Variants in OR7C1 observed in about 807,000 individuals in gnomAD.
OR7C1 encodes olfactory receptor 7C1.
For missense variants in OR7C1, 324 were observed against 383.3 expected, an observed-to-expected ratio of 0.85 and a Z score of 1.29; for synonymous variants, 152 against 160.7, an observed-to-expected ratio of 0.95 and a Z score of 0.41.
intron 1 of OR7C1, chr19:14,828,023 AAC>A (rs374740501): frequency 1.1e-5 from 17 of 1,614,208 alleles, no homozygotes; most frequent in Middle Eastern, 3.3e-4. Flanking sequence ...TGGTGGAAGT[AAC>A]ACAAATGTCA....
intron 1 of OR7C1, among the ~76,000 whole-genome samples, chr19:14,818,067 TTTA>T (rs1333505478): frequency 4.9e-4 from 46 of 93,356 alleles, no homozygotes; most frequent in East Asian, 4.6e-3. Flanking sequence ...ATTTATTTTA[TTTA>T]TTTATTTATT....
chr19:14,804,605 G>A (rs1252483179), intron 2 of OR7C1, among the ~76,000 whole-genome samples: 6 of 151,948 alleles, frequency 3.9e-5, no homozygotes, highest in Non-Finnish European at 7.4e-5. Context: ...TCAATGCCTG[G>A]GCTTCTTCGT....
At chr19:14,801,788 C>T (rs551984476) in intron 2 of OR7C1, among the ~76,000 whole-genome samples, 1 of 152,160 alleles carries the variant, frequency 6.6e-6, no homozygotes. Flanking sequence ...TTTCACATGG[C>T]AGCAGAGAGA....
chr19:14,802,672 G>A (rs1010813796), intron 2 of OR7C1, among the ~76,000 whole-genome samples: 2 of 152,224 alleles, frequency 1.3e-5, no homozygotes, highest in Non-Finnish European at 2.9e-5. Flanking sequence ...CTGGGGAAAA[G>A]CATATGAGTA....
chr19:14,831,048 C>A (rs2044827405), intron 1 of OR7C1, among the ~76,000 whole-genome samples: 1 of 152,202 alleles, frequency 6.6e-6, no homozygotes, highest in South Asian at 2.1e-4. Flanking sequence ...CTGCCCATTG[C>A]ACCCTTGCAA....
intron 1 of OR7C1, among the ~76,000 whole-genome samples, chr19:14,834,852 A>G (rs988041531): frequency 3.3e-5 from 5 of 152,320 alleles, no homozygotes; most frequent in African/African-American, 1.2e-4. Flanking sequence ...CTAAATGTCA[A>G]TAGTCGTCAC....
chr19:14,799,056 C>G (rs1226696749), exon 5 of OR7C1: 1 of 1,303,250 alleles, frequency 7.7e-7, no homozygotes, highest in African/African-American at 1.5e-5. Context: ...TTCTTTCTAG[C>G]TCCTGTATCA....
chr19:14,829,486 A>C (rs1275667916), intron 1 of OR7C1, among the ~76,000 whole-genome samples: 1 of 152,196 alleles, frequency 6.6e-6, no homozygotes, highest in Non-Finnish European at 1.5e-5. Flanking sequence ...TATAGGCATG[A>C]GCCACTGCAC....
exon 5 of OR7C1, chr19:14,799,453 A>C (rs1246403121): frequency 6.2e-7 from 1 of 1,614,124 alleles, no homozygotes; most frequent in African/African-American, 1.3e-5. Flanking sequence ...CAGCTGAGGA[A>C]ATCCTCAGTA....
At chr19:14,803,011 C>T (rs996175063) in intron 2 of OR7C1, among the ~76,000 whole-genome samples, 6 of 151,876 alleles carry the variant, frequency 4.0e-5, no homozygotes, top group Non-Finnish European at 7.4e-5. Context: ...AAATAGGGCC[C>T]AAAGATTGGT....
At chr19:14,814,178 A>C (rs1446545030) in intron 1 of OR7C1, among the ~76,000 whole-genome samples, 1 of 152,174 alleles carries the variant, frequency 6.6e-6, no homozygotes, top group Non-Finnish European at 1.5e-5. Flanking sequence ...ATGTAAAATG[A>C]GATTACATCA....
intron 1 of OR7C1, among the ~76,000 whole-genome samples, chr19:14,811,529 C>T (rs777447610): frequency 1.3e-5 from 2 of 151,896 alleles, no homozygotes; most frequent in African/African-American, 4.9e-5. Flanking sequence ...GACTCTTCAT[C>T]CAAATAAGGC....
chr19:14,812,477 G>C (rs2147651953), intron 1 of OR7C1, among the ~76,000 whole-genome samples: 1 of 152,226 alleles, frequency 6.6e-6, no homozygotes, highest in Non-Finnish European at 1.5e-5. Context: ...GCTCTGTTCT[G>C]TTCCACTCTG....
At chr19:14,827,729 G>A in intron 1 of OR7C1, 1 of 1,614,146 alleles carries the variant, frequency 6.2e-7, no homozygotes, top group Non-Finnish European at 8.5e-7. Flanking sequence ...GGATTTCTAA[G>A]GCTGTGCAGA....
chr19:14,830,093 C>T (rs1413802616), intron 1 of OR7C1, among the ~76,000 whole-genome samples: 1 of 152,154 alleles, frequency 6.6e-6, no homozygotes, highest in African/African-American at 2.4e-5. Flanking sequence ...GAACTCCTGG[C>T]CTCAAGTGAA....
intron 1 of OR7C1, among the ~76,000 whole-genome samples, chr19:14,822,935 T>C (rs2044748094): frequency 6.6e-6 from 1 of 152,142 alleles, no homozygotes; most frequent in South Asian, 2.1e-4. Flanking sequence ...ATGTGTGGTT[T>C]GCAAATGTTT....
intron 1 of OR7C1, among the ~76,000 whole-genome samples, chr19:14,817,824 G>A (rs1171409913): frequency 2.0e-5 from 3 of 152,168 alleles, no homozygotes; most frequent in Non-Finnish European, 2.9e-5. Context: ...AAGAAGGAAT[G>A]GGAGCTAAAA....
At position 14,831,269 on chromosome 19, in the gene OR7C1, TACAA is replaced by T. The variant is rs1237280595; in HGVS notation, c.-623+3801_-623+3804del. 9.2e-5 allele frequency among the ~76,000 whole-genome samples: 14 copies of T among 152,192 alleles called. No individual in the cohort carries two copies. In the South Asian group the frequency reaches 2.7e-3, roughly 29 times the overall value. ...AGCCAACAATTCACAAAAAGAAACA[TACAA>T]ACAATGACAAGATTTGGGCATTTTT... is the stretch of plus-strand genomic sequence containing the variant. On this transcript the variant is annotated intron_variant, in intron 1 of 4. Coordinates refer to ENST00000641666, the Ensembl canonical transcript of OR7C1.
intron 1 of OR7C1, among the ~76,000 whole-genome samples, chr19:14,831,885 ACTATT>A (rs1178267236): frequency 6.6e-6 from 1 of 152,056 alleles, no homozygotes; most frequent in Non-Finnish European, 1.5e-5. Context: ...ACACGTCATG[ACTATT>A]CTATTCTATT....
Sources: allele counts gnomAD v4.1 joint callset (sites outside exome capture counted in the v4.1 genomes callset), GRCh38; gene constraint gnomAD v4.1.1; transcripts MANE v1.5; gene names NCBI Gene and HGNC (gene_info 2026-07-23, HGNC 2026-07-21).